The following LPP variants were observed in gnomAD, a reference collection of about 807,000 sequenced individuals.
LPP encodes lipoma-preferred partner.
In LPP, 38 loss-of-function variants were observed where a neutral mutation model predicts 60.4. The observed-to-expected ratio is 0.63, with a 90% confidence interval of 0.49 to 0.83. The LOEUF (loss-of-function observed/expected upper bound fraction) is 0.83, where lower values mean the gene tolerates loss of function less well. LPP is among the 40% of genes least tolerant of loss of function. The pLI is 0.00. For synonymous variants in LPP, 328 were observed against 290.8 expected, an observed-to-expected ratio of 1.13 and a Z score of -1.30; for missense variants, 902 against 783.6, an observed-to-expected ratio of 1.15 and a Z score of -1.80.
At chr3:188,851,322 A>T (rs1400183373) in intron 9 of LPP, among the ~76,000 whole-genome samples, 2 of 152,242 alleles carry the variant, frequency 1.3e-5, no homozygotes, top group Non-Finnish European at 2.9e-5. Flanking sequence ...ACTAATCATT[A>T]AAAAAGCTAC....
chr3:188,722,936 T>C, intron 8 of LPP, among the ~76,000 whole-genome samples: 1 of 152,228 alleles, frequency 6.6e-6, no homozygotes, highest in Non-Finnish European at 1.5e-5. Context: ...CGTCAGTGTT[T>C]ATCTCTATTT....
chr3:188,510,424 T>C (rs1815113185), intron 5 of LPP, among the ~76,000 whole-genome samples: 2 of 152,216 alleles, frequency 1.3e-5, no homozygotes, highest in African/African-American at 4.8e-5. Context: ...TTTTTATCAA[T>C]GGCAACCTTT....
At chr3:188,807,458 G>T (rs375979859) in intron 9 of LPP, among the ~76,000 whole-genome samples, 6 of 151,740 alleles carry the variant, frequency 4.0e-5, no homozygotes, top group African/African-American at 1.4e-4. Flanking sequence ...TTGTTTTGGT[G>T]GTTTGTTGCC....
intron 7 of LPP, among the ~76,000 whole-genome samples, chr3:188,620,552 T>G: frequency 6.6e-6 from 1 of 152,332 alleles, no homozygotes; most frequent in South Asian, 2.1e-4. Context: ...TATATTTATA[T>G]TTTCATCAAT....
At chr3:188,398,008 C>T (rs762644512) in intron 3 of LPP, among the ~76,000 whole-genome samples, 14 of 152,136 alleles carry the variant, frequency 9.2e-5, no homozygotes, top group Non-Finnish European at 1.3e-4. Flanking sequence ...CCTGAAATGC[C>T]GCTGAGTTTT....
chr3:188,603,386 A>T (rs1841819081), intron 6 of LPP, among the ~76,000 whole-genome samples: 1 of 150,484 alleles, frequency 6.6e-6, no homozygotes, highest in Non-Finnish European at 1.5e-5. Flanking sequence ...ATTATATTTC[A>T]CTGTTTTATT....
intron 2 of LPP, among the ~76,000 whole-genome samples, chr3:188,229,691 A>G (rs1719127668): frequency 6.6e-6 from 1 of 152,220 alleles, no homozygotes; most frequent in Non-Finnish European, 1.5e-5. Flanking sequence ...TGTCCACGAA[A>G]GTAAAAAGTA....
chr3:188,708,815 G>A, intron 8 of LPP: 1 of 217,872 alleles, frequency 4.6e-6, no homozygotes, highest in East Asian at 9.5e-5. Context: ...CTGTGGCTCA[G>A]TGAGCTGTGG....
intron 2 of LPP, among the ~76,000 whole-genome samples, chr3:188,340,253 G>T (rs1762685018): frequency 6.6e-6 from 1 of 152,128 alleles, no homozygotes; most frequent in South Asian, 2.1e-4. Flanking sequence ...GGTCTCATTG[G>T]AGTTATAAAG....
At position 188,804,767 on chromosome 3, in the gene LPP, G is replaced by A. The variant is rs1048890584; in HGVS notation, c.1410+44485G>A. On this transcript the variant is annotated intron_variant, in intron 9 of 11. Coordinates refer to ENST00000617246, the MANE Select transcript of LPP (RefSeq NM_001375462.1). Reference sequence around the variant, plus strand: ...AAGTGGTGAACATGAACATTTTTGCGCTGTTCCCAATATTAAGAGAAAACA... The same window carrying A: ...AAGTGGTGAACATGAACATTTTTGCACTGTTCCCAATATTAAGAGAAAACA... Among the ~76,000 whole-genome samples, 7 of 152,042 alleles carry A rather than the reference G, an allele frequency of 4.6e-5. No individual in the cohort carries two copies. In the East Asian group the frequency reaches 7.7e-4, roughly 17 times the overall value.
rs568853479 is a variant in LPP, at chr3:188,692,051, A to T, written c.1114-16216A>T. Among the ~76,000 whole-genome samples the T allele has an allele frequency of 9.2e-5, 14 of 152,282 alleles. No homozygotes were observed. In the South Asian group the frequency reaches 2.7e-3, roughly 29 times the overall value. ...CTTCCTTCATGATGCTTGCCCCTAG[A>T]GTGTCAGCATAGCCCTTGCAGAGAA... On this transcript the variant is annotated intron_variant, in intron 7 of 11. Transcript: ENST00000617246.
chr3:188,617,336 C>T (rs1292062107), intron 7 of LPP, among the ~76,000 whole-genome samples: 2 of 152,090 alleles, frequency 1.3e-5, no homozygotes, highest in Non-Finnish European at 2.9e-5. Context: ...AAATGTAACT[C>T]TTCTATTCTG....
intron 3 of LPP, among the ~76,000 whole-genome samples, chr3:188,379,794 A>C (rs1776371824): frequency 6.6e-6 from 1 of 152,212 alleles, no homozygotes; most frequent in South Asian, 2.1e-4. Flanking sequence ...GAAGAATAGA[A>C]GCAAGTTTAC....
intron 1 of LPP, among the ~76,000 whole-genome samples, chr3:188,172,395 G>T (rs1313363341): frequency 6.6e-6 from 1 of 152,134 alleles, no homozygotes; most frequent in African/African-American, 2.4e-5. Context: ...TACTTATCTT[G>T]TTGTGAGGAT....
chr3:188,192,870 G>A (rs915657873), intron 1 of LPP, among the ~76,000 whole-genome samples: 5 of 152,168 alleles, frequency 3.3e-5, no homozygotes, highest in African/African-American at 9.7e-5. Flanking sequence ...TCCAGGCGTC[G>A]GCAGTGCTCC....
intron 1 of LPP, among the ~76,000 whole-genome samples, chr3:188,206,520 A>T (rs1371501657): frequency 6.6e-6 from 1 of 152,242 alleles, no homozygotes; most frequent in Non-Finnish European, 1.5e-5. Context: ...CTCACAAGAA[A>T]GGCAAGGTTC....
rs755287902 is a variant in LPP at position 188,886,737 on chromosome 3, T to TACACAC, written c.*12281_*12286dup. 6,541 of 187,506 alleles carry TACACAC rather than the reference T, an allele frequency of 0.035. 18 individuals carry two copies. The highest frequency in any genetic ancestry group is 0.078 in the East Asian group (833 of 10,630). The allele number at this position is 187,506 out of a possible 1,614,324, so 11.6% of individuals were successfully genotyped here. On this transcript the variant is annotated 3_prime_UTR_variant, in exon 12 of 12. Coordinates refer to ENST00000617246, the MANE Select transcript of LPP (RefSeq NM_001375462.1). ...TCTTCAAAACACACACACACACACATACACACACACACACACACACACACA... is the reference window on the plus strand; with the variant it reads ...TCTTCAAAACACACACACACACACATACACACACACACACACACACACACACACACA...
intron 2 of LPP, among the ~76,000 whole-genome samples, chr3:188,305,028 C>T (rs1470562959): frequency 1.3e-5 from 2 of 152,270 alleles, no homozygotes; most frequent in East Asian, 3.9e-4. Context: ...GCACATTTCT[C>T]TCAATTGCCA....
intron 1 of LPP, among the ~76,000 whole-genome samples, chr3:188,192,529 A>G (rs1441470815): frequency 6.6e-6 from 1 of 152,210 alleles, no homozygotes; most frequent in African/African-American, 2.4e-5. Context: ...GGTGTTAGGC[A>G]GTTAGCAAAC....
Sources: gnomAD v4.1 joint callset for allele counts (sites outside exome capture counted in the v4.1 genomes callset) on GRCh38, gnomAD v4.1.1 for gene constraint, MANE v1.5 for transcripts, NCBI Gene and HGNC (gene_info 2026-07-23, HGNC 2026-07-21) for gene names.